GUCY2F: variants seen among roughly 807,000 people sequenced by gnomAD.
GUCY2F encodes the protein guanylate cyclase 2F, retinal, also known as retinal guanylyl cyclase 2.
Under a neutral mutation model 73.1 loss-of-function variants are expected in GUCY2F, and 61 were observed. The observed-to-expected ratio is 0.83, with a 90% CI of 0.68 to 1.03. The LOEUF (loss-of-function observed/expected upper bound fraction) is 1.03, where lower values mean the gene tolerates loss of function less well. Among genes scored for constraint, GUCY2F ranks in the 50% least tolerant of loss-of-function variants. The pLI, the probability that GUCY2F is intolerant of heterozygous loss-of-function variation, is 0.00. For synonymous variants in GUCY2F, 331 were observed against 307.8 expected, an observed-to-expected ratio of 1.08 and a Z score of -0.79; for missense variants, 912 against 854.3, an observed-to-expected ratio of 1.07 and a Z score of -0.84.
chrX:109,412,059 G>C (rs1297767691), intron 8 of GUCY2F, among the ~76,000 whole-genome samples: 2 of 112,107 alleles, frequency 1.8e-5, no homozygotes, highest in Non-Finnish European at 3.8e-5. Flanking sequence ...ATGAAGAAAA[G>C]TGTCTGGTGA....
At chrX:109,450,911 G>A (rs775535951) in intron 5 of GUCY2F, among the ~76,000 whole-genome samples, 5 of 111,527 alleles carry the variant, frequency 4.5e-5, no homozygotes, top group East Asian at 2.8e-4. Flanking sequence ...TCTTCATTGC[G>A]CAAATAAGAA....
At chrX:109,472,723 G>T (rs1253010819) in intron 2 of GUCY2F, among the ~76,000 whole-genome samples, 1 of 112,172 alleles carries the variant, frequency 8.9e-6, no homozygotes, top group African/African-American at 3.2e-5. Context: ...TGGGACAAAA[G>T]ATGTGGCCTG....
intron 5 of GUCY2F, among the ~76,000 whole-genome samples, chrX:109,451,779 T>A (rs1331548315): frequency 9.0e-6 from 1 of 111,445 alleles, no homozygotes; most frequent in Non-Finnish European, 1.9e-5. Context: ...CACCATTGTG[T>A]TGAGAGCCAG....
chrX:109,426,989 CAG>C (rs1479125482), intron 8 of GUCY2F, among the ~76,000 whole-genome samples: 1 of 111,741 alleles, frequency 8.9e-6, no homozygotes, highest in African/African-American at 3.3e-5. Flanking sequence ...GATGCTAAAA[CAG>C]AGAATGGCAT....
chrX:109,423,348 G>C (rs943329954), intron 8 of GUCY2F, among the ~76,000 whole-genome samples: 2 of 111,154 alleles, frequency 1.8e-5, no homozygotes, highest in African/African-American at 6.5e-5. Context: ...CTAGATTGTA[G>C]GGGTCCTTTT....
intron 7 of GUCY2F, 134 bp downstream of exon 7, chrX:109,441,217 A>C (rs1235766231): frequency 2.7e-6 from 1 of 371,694 alleles, no homozygotes; most frequent in East Asian, 4.2e-5. Context: ...ACGAGTCCAT[A>C]AGCAAACACA....
chrX:109,397,508 T>C (rs1930737308), intron 11 of GUCY2F, among the ~76,000 whole-genome samples: 1 of 112,385 alleles, frequency 8.9e-6, no homozygotes, highest in African/African-American at 3.2e-5. Context: ...TACAATTGCC[T>C]GTACACCTTC....
At chrX:109,376,464 T>C (rs1469180569) in intron 17 of GUCY2F, among the ~76,000 whole-genome samples, 1 of 112,431 alleles carries the variant, frequency 8.9e-6, no homozygotes, top group Non-Finnish European at 1.9e-5. Context: ...CCCTGATCTT[T>C]TGGCATTAGG....
chrX:109,425,642 A>G lies in GUCY2F; in HGVS notation c.1791+4665T>C, dbSNP rs1931468793. Among the ~76,000 whole-genome samples the G allele has an allele frequency of 6.6e-5, 7 of 105,822 alleles. No homozygotes were observed. In the South Asian group the frequency reaches 3.2e-3, roughly 48 times the overall value. 91.9% of individuals were successfully genotyped at this position (105,822 alleles called of 115,157 possible). A position where few individuals can be genotyped will look rare whatever the true frequency, so the allele number is the denominator to read the frequency against. On this transcript the variant is annotated intron_variant, in intron 8 of 19. Transcript: ENST00000218006. ...AAGAATGATACAAAGGACTTTGGGG[A>G]CTCGGGGGAAAGGGTGGGAGGGGGG...
At chrX:109,381,071 C>T (rs1436491586) in intron 17 of GUCY2F, among the ~76,000 whole-genome samples, 2 of 111,950 alleles carry the variant, frequency 1.8e-5, no homozygotes, top group Non-Finnish European at 3.8e-5. Context: ...CTGGAAGATA[C>T]TAATGACCTA....
rs778578525 is a variant in GUCY2F at position 109,450,633 on chromosome X, G to A, written c.1472+1390C>T. Among the ~76,000 whole-genome samples the A allele has an allele frequency of 8.9e-5, 10 of 112,415 alleles. No homozygotes were observed. In the Admixed American group the frequency reaches 9.4e-4, roughly 11 times the overall value. On this transcript the variant is annotated intron_variant, in intron 5 of 19. Coordinates refer to ENST00000218006, the MANE Select transcript of GUCY2F (RefSeq NM_001522.3). Reference sequence around the variant, plus strand: ...GATATTAAATTTCTGTTCTTAGCAGGAATATGTCCCAGTTACAGAAATTAA... The same window carrying A: ...GATATTAAATTTCTGTTCTTAGCAGAAATATGTCCCAGTTACAGAAATTAA...
intron 9 of GUCY2F, among the ~76,000 whole-genome samples, chrX:109,408,517 CA>C (rs1180451659): frequency 1.8e-5 from 2 of 111,852 alleles, no homozygotes; most frequent in East Asian, 5.6e-4. Flanking sequence ...TTGGAGGGGC[CA>C]GGGGTGGAAT....
Position 109,391,931 on chromosome X carries a change from C to A in GUCY2F, c.2761G>T (p.Gly921Cys), listed in dbSNP as rs1247594683. 1 of 1,196,729 alleles carries A rather than the reference C, an allele frequency of 8.4e-7. No individual in the cohort carries two copies. The highest frequency in any genetic ancestry group is 1.1e-6 in the Non-Finnish European group (1 of 886,672). The change falls in exon 14 of 20, where the codon GGC becomes TGC. Residue 921 changes from glycine (G) to cysteine (C), a missense_variant. Coordinates refer to ENST00000218006, the MANE Select transcript of GUCY2F (RefSeq NM_001522.3). ...DLYTLFDAIIGSHDVYKVETI... is the reference protein window; with the variant it reads ...DLYTLFDAIICSHDVYKVETI... The stretch of plus-strand genomic sequence containing the variant: ...CCTACCTTGTAGACATCATGACTGC[C>A]AATTATTGCATCAAAGAGTGTGTAC...
chrX:109,441,252 A>G, intron 7 of GUCY2F, 99 bp downstream of exon 7: 1 of 495,413 alleles, frequency 2.0e-6, no homozygotes. Flanking sequence ...AAGACTTGCC[A>G]AAAGCCCCAG....
Position 109,388,681 on chromosome X carries a change from T to C in GUCY2F, c.2782-18A>G, listed in dbSNP as rs750537196. On this transcript the variant is annotated intron_variant, in intron 14 of 19. Transcript: ENST00000218006. Reference sequence around the variant, plus strand: ...GTCTCTACCTGGGAATTAGGAAAAATAGAATTAGCAAACAACTTATTTGTG... The same window carrying C: ...GTCTCTACCTGGGAATTAGGAAAAACAGAATTAGCAAACAACTTATTTGTG... 1.1e-5 allele frequency: 12 copies of C among 1,109,906 alleles called. No homozygotes were observed. Among genetic ancestry groups the C allele is most frequent in the African/African-American group, 3.6e-5 (2 of 55,205 alleles). 91.5% of individuals were successfully genotyped at this position (1,109,906 alleles called of 1,213,427 possible).
intron 14 of GUCY2F, among the ~76,000 whole-genome samples, chrX:109,391,281 T>C (rs745642127): frequency 2.7e-5 from 3 of 110,542 alleles, no homozygotes; most frequent in South Asian, 3.8e-4. Context: ...GCTGGAGGAG[T>C]GAGAGAAGGT....
intron 17 of GUCY2F, among the ~76,000 whole-genome samples, chrX:109,379,081 T>G (rs918422382): frequency 8.9e-6 from 1 of 112,358 alleles, no homozygotes; most frequent in Non-Finnish European, 1.9e-5. Flanking sequence ...TGTGACAACA[T>G]GAATGGAATT....
At position 109,465,292 on chromosome X, in the gene GUCY2F, G is replaced by C. The variant is rs751451796; in HGVS notation, c.882C>G (p.Pro294=). 2 of 1,209,701 alleles carry C rather than the reference G, an allele frequency of 1.7e-6. No homozygotes were observed. Among genetic ancestry groups the C allele is most frequent in the Non-Finnish European group, 2.2e-6 (2 of 893,701 alleles). Residue 294 remains proline, a synonymous_variant, in exon 3 of 20, where the codon CCC becomes CCG. Transcript: ENST00000218006. ...LLYSLPYKHT[P]YRVLRNNPKL... is the part of the protein sequence containing the mutation. ...TTGGGTTGTTCCTTAGGACCCGGTAGGGGGTGTGCTTATAAGGTAAACTGT... is the reference window on the plus strand; with the variant it reads ...TTGGGTTGTTCCTTAGGACCCGGTACGGGGTGTGCTTATAAGGTAAACTGT...
At chrX:109,447,886 A>AT (rs202085243) in intron 6 of GUCY2F, among the ~76,000 whole-genome samples, 183 bp downstream of exon 6, 8 of 106,037 alleles carry the variant, frequency 7.5e-5, no homozygotes, top group East Asian at 2.9e-4. Context: ...AATTTTTTTA[A>AT]TTTTTTTTTT....
Sources: allele counts gnomAD v4.1 joint callset (sites outside exome capture counted in the v4.1 genomes callset), GRCh38; gene constraint gnomAD v4.1.1; transcripts MANE v1.5; gene names NCBI Gene and HGNC (gene_info 2026-07-23, HGNC 2026-07-21).